Variants in RBFOX1 observed in about 807,000 individuals in gnomAD.
RBFOX1 encodes the protein RNA binding fox-1 homolog 1.
In RBFOX1, 8 loss-of-function variants were observed where a neutral mutation model predicts 57.7. The ratio of observed to expected loss-of-function variants is 0.14; its 90% CI spans 0.08 to 0.25. The LOEUF (loss-of-function observed/expected upper bound fraction) is 0.25. Ranked by LOEUF, RBFOX1 falls within the 10% of genes least tolerant of loss-of-function variation. RBFOX1 has a pLI of 1.00. For missense variants in RBFOX1, 611 were observed against 548.5 expected, an observed-to-expected ratio of 1.11 and a Z score of -1.14; for synonymous variants, 326 against 222.4, an observed-to-expected ratio of 1.47 and a Z score of -4.15.
chr16:6,949,808 C>G (rs11866041), intron 3 of RBFOX1, among the ~76,000 whole-genome samples: 66,619 of 151,480 alleles, frequency 0.44, 15,128 homozygotes, highest in African/African-American at 0.53. Context: ...TTTTTTTTTT[C>G]TGTGTGTGTA....
At chr16:7,316,783 A>C (rs2096449363) in intron 4 of RBFOX1, among the ~76,000 whole-genome samples, 1 of 152,026 alleles carries the variant, frequency 6.6e-6, no homozygotes, top group South Asian at 2.1e-4. Context: ...ATTCACACTA[A>C]GGCATAGAGT....
intron 2 of RBFOX1, among the ~76,000 whole-genome samples, chr16:6,410,879 G>T (rs926252458): frequency 6.6e-6 from 1 of 152,142 alleles, no homozygotes; most frequent in African/African-American, 2.4e-5. Context: ...TGAGCTTCAG[G>T]TTTCTCAGCG....
intron 1 of RBFOX1, among the ~76,000 whole-genome samples, chr16:5,310,988 C>A (rs919098391): frequency 2.0e-5 from 3 of 152,108 alleles, no homozygotes; most frequent in Non-Finnish European, 4.4e-5. Flanking sequence ...TTATTCCTCA[C>A]CCCCACTACC....
At chr16:7,206,642 C>T (rs1266471744) in intron 4 of RBFOX1, among the ~76,000 whole-genome samples, 1 of 151,906 alleles carries the variant, frequency 6.6e-6, no homozygotes, top group Non-Finnish European at 1.5e-5. Context: ...CTGTCTTATC[C>T]CTCAGCTAGA....
At chr16:6,980,668 A>G (rs567427560) in intron 3 of RBFOX1, among the ~76,000 whole-genome samples, 1 of 152,220 alleles carries the variant, frequency 6.6e-6, no homozygotes, top group Non-Finnish European at 1.5e-5. Context: ...AACACAATAC[A>G]GCTAAATTTC....
At chr16:7,551,846 G>C (rs895138827) in intron 5 of RBFOX1, among the ~76,000 whole-genome samples, 4 of 152,078 alleles carry the variant, frequency 2.6e-5, no homozygotes, top group Admixed American at 6.6e-5. Context: ...AACATACTAC[G>C]GATGGTATGG....
In RBFOX1 at chr16:7,445,944, C is replaced by G. The variant is rs570888023; in HGVS notation, c.28-72203C>G. On this transcript the variant is annotated intron_variant, in intron 4 of 15. Transcript: ENST00000550418. The stretch of plus-strand genomic sequence containing the variant: ...GTGAAGCTTCGCTTTCCCTCCTATG[C>G]CTTTTGTTTTCTTGCCTAAAGAAGC... Among the ~76,000 whole-genome samples the G allele has an allele frequency of 2.0e-3, 305 of 152,254 alleles. 1 individual carries two copies. Among genetic ancestry groups the G allele is most frequent in the African/African-American group, 6.9e-3 (288 of 41,548 alleles).
intron 2 of RBFOX1, among the ~76,000 whole-genome samples, chr16:6,532,712 A>C (rs1373830904): frequency 1.3e-5 from 2 of 152,082 alleles, no homozygotes; most frequent in Non-Finnish European, 2.9e-5. Flanking sequence ...GGACAGTTGC[A>C]CTGGACTCCA....
intron 4 of RBFOX1, among the ~76,000 whole-genome samples, chr16:7,414,859 C>T (rs1436411941): frequency 6.6e-6 from 1 of 152,148 alleles, no homozygotes; most frequent in African/African-American, 2.4e-5. Flanking sequence ...CTCAGGTGAT[C>T]CGTTTCCTTC....
chr16:6,755,522 C>G (rs952351544), intron 3 of RBFOX1, among the ~76,000 whole-genome samples: 1 of 152,086 alleles, frequency 6.6e-6, no homozygotes, highest in Non-Finnish European at 1.5e-5. Flanking sequence ...CCAAGATAAC[C>G]CGTCAGAACA....
At chr16:5,885,896 G>A (rs2057887685) in intron 4 of RBFOX1, among the ~76,000 whole-genome samples, 1 of 152,122 alleles carries the variant, frequency 6.6e-6, no homozygotes, top group Non-Finnish European at 1.5e-5. Context: ...CAAATCTCGT[G>A]TTGAATTGTA....
intron 4 of RBFOX1, among the ~76,000 whole-genome samples, chr16:7,078,457 C>T (rs542723049): frequency 3.3e-5 from 5 of 152,132 alleles, no homozygotes; most frequent in Non-Finnish European, 5.9e-5. Context: ...AAGCGGTTCT[C>T]CTACCTCAGT....
At position 5,852,630 on chromosome 16, in the gene RBFOX1, G is replaced by T. The variant is rs1301544720; in HGVS notation, c.319-14673G>T. Among the ~76,000 whole-genome samples, 5 of 152,140 alleles carry T rather than the reference G, an allele frequency of 3.3e-5. No homozygotes were observed. The South Asian group carries it at 8.3e-4, about 25-fold the overall frequency. Reference sequence around the variant, plus strand: ...ATCAACCAATGCTTGATGCAGCTTGGCTAGGGGTGGAGGGGGGTGATTAAT... The same window carrying T: ...ATCAACCAATGCTTGATGCAGCTTGTCTAGGGGTGGAGGGGGGTGATTAAT... On this transcript the variant is annotated intron_variant, in intron 3 of 19. Transcript: ENST00000641259.
At chr16:6,085,302 C>T (rs548034735) in intron 1 of RBFOX1, among the ~76,000 whole-genome samples, 17 of 152,304 alleles carry the variant, frequency 1.1e-4, no homozygotes, top group South Asian at 2.1e-4. Context: ...GACGCGGTTT[C>T]GCTCTTGTTG....
chr16:5,548,152 C>G (rs1293947500), intron 2 of RBFOX1, among the ~76,000 whole-genome samples: 1 of 83,284 alleles, frequency 1.2e-5, no homozygotes, highest in Non-Finnish European at 2.5e-5. Flanking sequence ...CAGAGCAAGA[C>G]TCTGTTAAAA....
chr16:7,484,144 CA>C (rs144708687), intron 4 of RBFOX1, among the ~76,000 whole-genome samples: 2,521 of 152,236 alleles, frequency 0.017, 64 homozygotes, highest in African/African-American at 0.056. Context: ...GAGATTCAGC[CA>C]TAATTGTTGC....
intron 3 of RBFOX1, among the ~76,000 whole-genome samples, chr16:5,804,865 G>C (rs2055176838): frequency 6.6e-6 from 1 of 152,140 alleles, no homozygotes; most frequent in Non-Finnish European, 1.5e-5. Flanking sequence ...TTGTTGTGCA[G>C]GGCAGCTCTG....
chr16:7,517,858 G>T (rs1220545823), intron 4 of RBFOX1, among the ~76,000 whole-genome samples: 2 of 151,234 alleles, frequency 1.3e-5, no homozygotes, highest in Admixed American at 6.6e-5. Context: ...TAAAGCCACA[G>T]ACCCTCATGT....
intron 1 of RBFOX1, among the ~76,000 whole-genome samples, chr16:5,381,499 C>A (rs2066130128): frequency 6.6e-6 from 1 of 152,142 alleles, no homozygotes; most frequent in Non-Finnish European, 1.5e-5. Flanking sequence ...AGCAAGCTCC[C>A]TGGTGAAGCT....
Sources: allele counts gnomAD v4.1 joint callset (sites outside exome capture counted in the v4.1 genomes callset), GRCh38; gene constraint gnomAD v4.1.1; transcripts MANE v1.5; gene names NCBI Gene and HGNC (gene_info 2026-07-23, HGNC 2026-07-21).